The following PGM1 variants were observed in gnomAD, a reference collection of about 807,000 sequenced individuals.
The protein encoded by PGM1 is phosphoglucomutase-1.
Under a neutral mutation model 55.6 loss-of-function variants are expected in PGM1, and 52 were observed. The ratio of observed to expected loss-of-function variants is 0.94; its 90% CI spans 0.75 to 1.18. PGM1 has a LOEUF of 1.18. PGM1 is among the 50% of genes most tolerant of loss of function. PGM1 has a pLI of 0.00. For synonymous variants in PGM1, 287 were observed against 271.7 expected (o/e 1.06, Z -0.55); for missense variants, 724 against 729.3 (o/e 0.99, Z 0.08).
Position 63,636,217 on chromosome 1 carries a change from C to A in PGM1, c.874-17C>A. 2 of 1,612,642 alleles carry A rather than the reference C, an allele frequency of 1.2e-6. No homozygotes were observed. Among genetic ancestry groups the A allele is most frequent in the Non-Finnish European group, 1.7e-6 (2 of 1,178,616 alleles). ...TTTGATTAAAAGGTCTTTCTTTGAT[C>A]CTCTCTTCTCCCCAAGGATCGAAAC... is the stretch of plus-strand genomic sequence containing the variant. On this transcript the variant is annotated splice_polypyrimidine_tract_variant and intron_variant, in intron 5 of 10. Transcript: ENST00000371084.
Position 63,629,931 on chromosome 1 carries a change from T to C in PGM1, c.410-11T>C, listed in dbSNP as rs140312895. 2.2e-5 allele frequency: 35 copies of C among 1,614,056 alleles called. No homozygotes were observed. The African/African-American group carries it at 4.3e-4, about 20-fold the overall frequency. On this transcript the variant is annotated splice_polypyrimidine_tract_variant and intron_variant, in intron 2 of 10. Coordinates refer to ENST00000371084, the MANE Select transcript of PGM1 (RefSeq NM_002633.3). ...CACGAAGTAACCCACTGTTTGCTGTTTGGTTTCCAGGTCCTGCTCCAGAAG... is the reference window on the plus strand; with the variant it reads ...CACGAAGTAACCCACTGTTTGCTGTCTGGTTTCCAGGTCCTGCTCCAGAAG...
chr1:63,606,839 C>T (rs1648433090), intron 1 of PGM1, among the ~76,000 whole-genome samples: 1 of 152,134 alleles, frequency 6.6e-6, no homozygotes, highest in South Asian at 2.1e-4. Context: ...AGAGAGAAGA[C>T]AGAACTTAAT....
intron 1 of PGM1, among the ~76,000 whole-genome samples, chr1:63,628,548 A>G (rs774352616): frequency 6.6e-6 from 1 of 152,222 alleles, no homozygotes; most frequent in Non-Finnish European, 1.5e-5. Context: ...ATCTTGGGTG[A>G]AGCAAAAAGA....
chr1:63,621,671 T>C (rs1648882346), intron 1 of PGM1, among the ~76,000 whole-genome samples: 1 of 152,218 alleles, frequency 6.6e-6, no homozygotes, highest in Admixed American at 6.5e-5. Flanking sequence ...ATTTGACTTT[T>C]AAAAACAAAT....
At position 63,636,242 on chromosome 1, in the gene PGM1, C is replaced by T; in HGVS notation, c.882C>T (p.Asn294=). The T allele has an allele frequency of 6.2e-7, 1 of 1,614,108 alleles. No homozygotes were observed. The highest frequency in any genetic ancestry group is 1.3e-5 in the African/African-American group (1 of 75,068). Residue 294 remains asparagine, a synonymous_variant, in exon 6 of 11, where the codon AAC becomes AAT. Transcript: ENST00000371084. ...CCTCTCTTCTCCCCAAGGATCGAAA[C>T]ATGATTCTGGGCAAGCATGGGTTCT... ...GAAFDGDGDR[N]MILGKHGFFV...
intron 9 of PGM1, 64 bp from the exon 10 acceptor site, chr1:63,654,268 C>T (rs1649896460): frequency 4.6e-6 from 7 of 1,534,598 alleles, no homozygotes; most frequent in Non-Finnish European, 4.5e-6. Flanking sequence ...ATAGACCCCT[C>T]ATAATTTGCC....
intron 1 of PGM1, among the ~76,000 whole-genome samples, chr1:63,606,105 G>A (rs1387889012): frequency 6.6e-6 from 1 of 152,144 alleles, no homozygotes; most frequent in South Asian, 2.1e-4. Context: ...CTGAGCTCCC[G>A]TCTTTATTGT....
At position 63,630,076 on chromosome 1, in the gene PGM1, A is replaced by G; in HGVS notation, c.544A>G (p.Lys182Glu). Reference sequence around the variant, plus strand: ...GCAGTTTGACTTGGAAAATAAGTTCAAACCCTTCACAGGCATGTTTACTTT... The same window carrying G: ...GCAGTTTGACTTGGAAAATAAGTTCGAACCCTTCACAGGCATGTTTACTTT... ...KQQFDLENKFKPFTVEIVDSV... is the reference protein window; with the variant it reads ...KQQFDLENKFEPFTVEIVDSV... Residue 182 changes from lysine to glutamate, a missense_variant, in exon 3 of 11, where the codon AAA becomes GAA. Physicochemically the swap from Lys to Glu is moderately conservative, Grantham distance 56. Transcript: ENST00000371084. The G allele has an allele frequency of 1.2e-6, 2 of 1,614,072 alleles. No homozygotes were observed. The highest frequency in any genetic ancestry group is 2.2e-5 in the South Asian group (2 of 91,090).
chr1:63,608,382 CA>C (rs1648481404), intron 1 of PGM1, among the ~76,000 whole-genome samples: 1 of 152,160 alleles, frequency 6.6e-6, no homozygotes, highest in Non-Finnish European at 1.5e-5. Flanking sequence ...TATAAACCGA[CA>C]AAATGGCCAA....
chr1:63,631,744 C>G lies in PGM1; in HGVS notation c.644C>G (p.Pro215Arg). The part of the protein sequence containing the change: ...FSALKELLSG[P>R]NRLKIRIDAM... ...GCACTGAAAGAACTACTTTCTGGGC[C>G]AAACCGACTGAAGATCCGTATTGAT... is the stretch of plus-strand genomic sequence containing the variant. The change falls in exon 4 of 11, where the codon CCA becomes CGA. Residue 215 changes from proline to arginine, a missense_variant. By Grantham distance (103) the Pro-to-Arg change is moderately radical. Around this residue, in one of 3 missense-constraint regions of PGM1, gnomAD observed 379 missense variants for 357.5 expected, o/e 1.06. Coordinates refer to ENST00000371084, the MANE Select transcript of PGM1 (RefSeq NM_002633.3). The G allele has an allele frequency of 6.2e-7, 1 of 1,613,578 alleles. No individual in the cohort carries two copies. The highest frequency in any genetic ancestry group is 8.5e-7 in the Non-Finnish European group (1 of 1,179,576).
chr1:63,638,365 G>T (rs1224181784), intron 6 of PGM1, among the ~76,000 whole-genome samples: 4 of 152,164 alleles, frequency 2.6e-5, no homozygotes, highest in Admixed American at 6.5e-5. Flanking sequence ...ATTGATTATA[G>T]ATGCAGTCTG....
chr1:63,623,488 G>A, intron 1 of PGM1: 3 of 1,612,458 alleles, frequency 1.9e-6, no homozygotes, highest in Non-Finnish European at 2.5e-6. Context: ...ATGGATTTCT[G>A]GGACATATAG....
At chr1:63,633,864 CTCTGTGTGTGTGTGTG>C (rs1163582178) in intron 4 of PGM1, among the ~76,000 whole-genome samples, 1 of 70,150 alleles carries the variant, frequency 1.4e-5, no homozygotes, top group African/African-American at 5.4e-5. Flanking sequence ...GTGTCTGTGT[CTCTGTGTGTGTGTGTG>C]TGTGTGTGTG....
chr1:63,646,552 G>C (rs1235101081), intron 7 of PGM1, among the ~76,000 whole-genome samples: 1 of 152,114 alleles, frequency 6.6e-6, no homozygotes, highest in South Asian at 2.1e-4. Context: ...GGAGTTGCTG[G>C]ATCCATGAGT....
At position 63,632,287 on chromosome 1, in the gene PGM1, G is replaced by T. The variant is rs1424873776; in HGVS notation, c.682+505G>T. Among the ~76,000 whole-genome samples, 8 of 152,276 alleles carry T rather than the reference G, an allele frequency of 5.3e-5. No individual in the cohort carries two copies. In the East Asian group the frequency reaches 1.5e-3, roughly 29 times the overall value. The stretch of plus-strand genomic sequence containing the variant: ...TCTTCCTCCGTGGGTTGTGTGGTCA[G>T]GTCCATAGAGAGGGCAGCTATCACT... On this transcript the variant is annotated intron_variant, in intron 4 of 10. Coordinates refer to ENST00000371084, the MANE Select transcript of PGM1 (RefSeq NM_002633.3).
At chr1:63,623,454 G>A (rs776599441) in intron 1 of PGM1, 11 of 1,610,784 alleles carry the variant, frequency 6.8e-6, no homozygotes, top group Non-Finnish European at 9.3e-6. Context: ...GTCGGTGGAA[G>A]TGAAGGATGA....
chr1:63,605,681 A>T lies in PGM1; in HGVS notation c.246+11947A>T, dbSNP rs568816193. The stretch of plus-strand genomic sequence containing the variant: ...AGCCTCGAATTCTCAGGCTCAAGTG[A>T]TCCTCCCACCTGAGCCTCAGCCTGG... On this transcript the variant is annotated intron_variant, in intron 1 of 10. Coordinates refer to ENST00000371084, the MANE Select transcript of PGM1 (RefSeq NM_002633.3). Among the ~76,000 whole-genome samples, 7 of 152,052 alleles carry T rather than the reference A, an allele frequency of 4.6e-5. No homozygotes were observed. In the East Asian group the frequency reaches 1.2e-3, roughly 25 times the overall value.
rs547294819 is a variant in PGM1 at position 63,593,436 on chromosome 1, G to T, written c.-53G>T. 4.3e-6 allele frequency: 7 copies of T among 1,610,124 alleles called. No homozygotes were observed. The Admixed American group carries it at 1.0e-4, about 23-fold the overall frequency. On this transcript the variant is annotated 5_prime_UTR_variant, in exon 1 of 11. Transcript: ENST00000371084. ...AGAGCAGCTGCAGCCTCAGCCGGCC[G>T]CCCCTCCGCCAGCCAAGTCCGCCGC...
intron 10 of PGM1, among the ~76,000 whole-genome samples, chr1:63,658,397 C>CTT (rs34314608): frequency 1.5e-5 from 2 of 135,208 alleles, no homozygotes; most frequent in South Asian, 2.3e-4. Flanking sequence ...AGAATTCTCT[C>CTT]TTTTTTTTTT....
Sources: gnomAD v4.1 joint callset for allele counts (sites outside exome capture counted in the v4.1 genomes callset) on GRCh38, gnomAD v4.1.1 for gene constraint, gnomAD v4.1.1 regional missense constraint, MANE v1.5 for transcripts, NCBI Gene and HGNC (gene_info 2026-07-23, HGNC 2026-07-21) for gene names.